The following HMGB1 variants were observed in gnomAD, a reference collection of about 807,000 sequenced individuals.
HMGB1 encodes high mobility group box 1, also known as high mobility group protein B1.
For synonymous variants in HMGB1, 81 were observed against 84.0 expected (o/e 0.96, Z 0.19); for missense variants, 79 against 253.5 (o/e 0.31, Z 4.67).
chr13:30,555,277 G>A (rs1467051951), intron 1 of HMGB1, among the ~76,000 whole-genome samples: 1 of 151,956 alleles, frequency 6.6e-6, no homozygotes, highest in Non-Finnish European at 1.5e-5. Context: ...TCCTGACCTC[G>A]TGATCCGCCC....
At chr13:30,477,944 C>T (rs1887136055) in intron 1 of HMGB1, among the ~76,000 whole-genome samples, 1 of 151,998 alleles carries the variant, frequency 6.6e-6, no homozygotes, top group Admixed American at 6.6e-5. Context: ...AAAAAAAAAT[C>T]AACAACAAAA....
chr13:30,532,521 T>A lies in HMGB1; in HGVS notation c.-14-68827A>T, dbSNP rs1380447232. Among the ~76,000 whole-genome samples the A allele has an allele frequency of 8.5e-5, 13 of 152,118 alleles. 1 individual carries two copies. Among genetic ancestry groups the A allele is most frequent in the Admixed American group, 8.5e-4 (13 of 15,272 alleles). On this transcript the variant is annotated intron_variant, in intron 1 of 4. Coordinates refer to the HMGB1 transcript ENST00000405805. ...ATCAATCCTTTATTTTTTATATATG[T>A]TTTTTGAGACGGAGTCTCACTCTGT...
chr13:30,576,949 C>T (rs1870683621), intron 1 of HMGB1, among the ~76,000 whole-genome samples: 1 of 152,030 alleles, frequency 6.6e-6, no homozygotes, highest in African/African-American at 2.4e-5. Context: ...TGTCCTAATC[C>T]CTGATGTGAC....
At chr13:30,558,189 T>C (rs898586526) in intron 1 of HMGB1, among the ~76,000 whole-genome samples, 2 of 152,350 alleles carry the variant, frequency 1.3e-5, no homozygotes, top group Admixed American at 1.3e-4. Context: ...CAGAAAGCTT[T>C]TCTTGTCAAT....
chr13:30,587,629 G>A (rs192422104), intron 1 of HMGB1, among the ~76,000 whole-genome samples: 540 of 152,292 alleles, frequency 3.5e-3, no homozygotes, highest in African/African-American at 0.011. Context: ...GTACAGGTAT[G>A]TCTTTTATAT....
chr13:30,571,666 C>G (rs1870442411), intron 1 of HMGB1, among the ~76,000 whole-genome samples: 2 of 152,050 alleles, frequency 1.3e-5, no homozygotes, highest in South Asian at 4.1e-4. Flanking sequence ...GGCATAGTGC[C>G]TAGTGGTTTT....
intron 1 of HMGB1, among the ~76,000 whole-genome samples, chr13:30,602,660 C>T (rs986224420): frequency 6.6e-6 from 1 of 152,066 alleles, no homozygotes; most frequent in Non-Finnish European, 1.5e-5. Context: ...ATCTGTTGTA[C>T]TCAACACTTC....
intron 1 of HMGB1, among the ~76,000 whole-genome samples, chr13:30,613,058 T>C (rs1279273461): frequency 6.6e-6 from 1 of 152,158 alleles, no homozygotes; most frequent in Non-Finnish European, 1.5e-5. Flanking sequence ...TTTGAGTAAA[T>C]TGTTACTTCT....
chr13:30,480,966 A>G (rs1887213089), intron 1 of HMGB1, among the ~76,000 whole-genome samples: 1 of 151,728 alleles, frequency 6.6e-6, no homozygotes, highest in Non-Finnish European at 1.5e-5. Context: ...GATTTTTGTG[A>G]GACTCTCCCT....
chr13:30,554,843 G>A, intron 1 of HMGB1: 1 of 747,374 alleles, frequency 1.3e-6, no homozygotes, highest in Admixed American at 1.8e-5. Flanking sequence ...GAATATTCTG[G>A]AGCTATAAAT....
rs551299037 is a variant in HMGB1 at position 30,502,322 on chromosome 13, A to G, written c.-14-38628T>C. ...AGTGAATAAAACAGACCAAAAATAT[A>G]CAAGTTAACACATATGCTCACTGGA... is the stretch of plus-strand genomic sequence containing the variant. On this transcript the variant is annotated intron_variant, in intron 1 of 4. Transcript: ENST00000405805. 5.3e-5 allele frequency among the ~76,000 whole-genome samples: 8 copies of G among 152,346 alleles called. No homozygotes were observed. The South Asian group carries it at 1.2e-3, about 24-fold the overall frequency.
At chr13:30,583,615 T>C (rs1223925964) in intron 1 of HMGB1, among the ~76,000 whole-genome samples, 1 of 149,674 alleles carries the variant, frequency 6.7e-6, no homozygotes, top group Non-Finnish European at 1.5e-5. Flanking sequence ...GCAGGCCTCC[T>C]GGATCATGAG....
chr13:30,575,947 G>A (rs896234607), intron 1 of HMGB1, among the ~76,000 whole-genome samples: 5 of 152,148 alleles, frequency 3.3e-5, no homozygotes, highest in Middle Eastern at 3.4e-3. Context: ...AACAGGAGCC[G>A]CTGGTAACAT....
Position 30,459,092 on chromosome 13 carries a change from C to CCACGG in HMGB1, c.*2264_*2265insCCGTG, listed in dbSNP as rs1886139778. 6.6e-6 allele frequency: 1 copy of CCACGG among 152,038 alleles called. No homozygotes were observed. Among genetic ancestry groups the CCACGG allele is most frequent in the African/African-American group, 2.4e-5 (1 of 41,376 alleles). 9.4% of individuals were successfully genotyped at this position (152,038 alleles called of 1,614,324 possible). On this transcript the variant is annotated 3_prime_UTR_variant, in exon 5 of 5. Transcript: ENST00000341423. The stretch of plus-strand genomic sequence containing the variant: ...TTGATGTCAACAAAGTCTTTAAACC[C>CCACGG]CACAGCACTGTAACTATCTTGGCAT...
At chr13:30,576,212 T>C (rs979760952) in intron 1 of HMGB1, among the ~76,000 whole-genome samples, 16 of 152,212 alleles carry the variant, frequency 1.1e-4, no homozygotes, top group African/African-American at 3.9e-4. Context: ...CAATGGTGGA[T>C]TTTATTTGAT....
At chr13:30,605,406 AGAG>A (rs1950447842) in intron 1 of HMGB1, among the ~76,000 whole-genome samples, 1 of 152,230 alleles carries the variant, frequency 6.6e-6, no homozygotes, top group Admixed American at 6.5e-5. Context: ...TGTTTAAAAA[AGAG>A]GAGGAACCAT....
rs1437282347 is a variant in HMGB1 at position 30,489,733 on chromosome 13, C to CTT, written c.-14-26041_-14-26040dup. On this transcript the variant is annotated intron_variant, in intron 1 of 4. Transcript: ENST00000405805. ...TAAATGACCAATTCAAATGGAATTT[C>CTT]TTTTTTTTTTTTTTTTCCTGAGACG... Among the ~76,000 whole-genome samples the CTT allele has an allele frequency of 7.9e-4, 109 of 138,396 alleles. 2 individuals are homozygous for CTT. Among genetic ancestry groups the CTT allele is most frequent in the East Asian group, 1.5e-3 (7 of 4,594 alleles). 90.8% of individuals were successfully genotyped at this position (138,396 alleles called of 152,430 possible).
chr13:30,576,747 C>A (rs1357885181), intron 1 of HMGB1, among the ~76,000 whole-genome samples: 1 of 151,940 alleles, frequency 6.6e-6, no homozygotes, highest in Non-Finnish European at 1.5e-5. Context: ...CTCAACCGAA[C>A]TGCTGTTCAT....
At chr13:30,586,936 T>G (rs1230103502) in intron 1 of HMGB1, among the ~76,000 whole-genome samples, 1 of 152,200 alleles carries the variant, frequency 6.6e-6, no homozygotes, top group Non-Finnish European at 1.5e-5. Flanking sequence ...ATATATTGAA[T>G]AAATGTTTGT....
Sources: allele counts gnomAD v4.1 joint callset (sites outside exome capture counted in the v4.1 genomes callset), GRCh38; gene constraint gnomAD v4.1.1; transcripts MANE v1.5; gene names NCBI Gene and HGNC (gene_info 2026-07-23, HGNC 2026-07-21).